ARHGEF38: variants seen among roughly 807,000 people sequenced by gnomAD.
The protein encoded by ARHGEF38 is Rho guanine nucleotide exchange factor (GEF) 38.
In ARHGEF38, 79 loss-of-function variants were observed where a neutral mutation model predicts 79.9. The ratio of observed to expected loss-of-function variants is 0.99; its 90% CI spans 0.82 to 1.19. The LOEUF (loss-of-function observed/expected upper bound fraction) is 1.19, where lower values mean the gene tolerates loss of function less well. Among genes scored for constraint, ARHGEF38 ranks in the 50% most tolerant of loss-of-function variants. The probability of loss-of-function intolerance (pLI) is 0.00; values close to 1 mark genes in which losing one functional copy is unlikely to be tolerated. For synonymous variants in ARHGEF38, 366 were observed against 328.3 expected (o/e 1.11, Z -1.24); for missense variants, 962 against 907.2 (o/e 1.06, Z -0.78).
intron 13 of ARHGEF38, among the ~76,000 whole-genome samples, chr4:105,676,378 A>G (rs977501606): frequency 7.2e-5 from 11 of 152,282 alleles, no homozygotes; most frequent in Non-Finnish European, 1.5e-4. Context: ...ATCTGTGTGT[A>G]GAGTTGTTGC....
intron 1 of ARHGEF38, among the ~76,000 whole-genome samples, chr4:105,569,644 T>G (rs769390960): frequency 5.9e-5 from 9 of 152,204 alleles, no homozygotes; most frequent in Non-Finnish European, 1.2e-4. Context: ...TGAGCAGTGG[T>G]TAACATGCAG....
chr4:105,675,823 G>C (rs1184644223), intron 13 of ARHGEF38, among the ~76,000 whole-genome samples: 1 of 152,200 alleles, frequency 6.6e-6, no homozygotes, highest in Non-Finnish European at 1.5e-5. Flanking sequence ...TCACATGGTG[G>C]AAGGGGTGAA....
intron 3 of ARHGEF38, among the ~76,000 whole-genome samples, chr4:105,620,878 G>A (rs73837077): frequency 6.6e-6 from 1 of 152,188 alleles, no homozygotes; most frequent in African/African-American, 2.4e-5. Flanking sequence ...CTATTACAAT[G>A]TGGTGAAAAT....
In ARHGEF38 at chr4:105,679,076, C is replaced by T; in HGVS notation, c.*1139C>T. The T allele has an allele frequency of 2.1e-6, 1 of 482,538 alleles. No individual in the cohort carries two copies. Among genetic ancestry groups the T allele is most frequent in the Non-Finnish European group, 3.3e-6 (1 of 300,412 alleles). The allele number at this position is 482,538 out of a possible 1,614,324, so 29.9% of individuals were successfully genotyped here. A position where few individuals can be genotyped will look rare whatever the true frequency, so the allele number is the denominator to read the frequency against. On this transcript the variant is annotated 3_prime_UTR_variant, in exon 14 of 14. Transcript: ENST00000420470. ...CAGTCAAAACTCCATTTGTGGCCCC[C>T]ACTTCTTGATCTATTTCTGTTCCAC...
intron 1 of ARHGEF38, among the ~76,000 whole-genome samples, chr4:105,561,020 T>C (rs1365285317): frequency 1.3e-5 from 2 of 152,194 alleles, no homozygotes; most frequent in Non-Finnish European, 2.9e-5. Flanking sequence ...TATATTTAGC[T>C]GCTAGGAGCT....
intron 1 of ARHGEF38, among the ~76,000 whole-genome samples, chr4:105,560,853 G>A (rs1725483602): frequency 6.6e-6 from 1 of 152,148 alleles, no homozygotes; most frequent in African/African-American, 2.4e-5. Context: ...GGTCTCCAGT[G>A]TCACTACAAA....
Position 105,552,968 on chromosome 4 carries a change from A to T in ARHGEF38, c.196+7A>T. The stretch of plus-strand genomic sequence containing the variant: ...TACAACCAGAAATTACAAGGTAACC[A>T]AAAAGAAATCAATTGTCCCAGTTAC... On this transcript the variant is annotated splice_region_variant and intron_variant, in intron 1 of 13. Transcript: ENST00000420470. 1 of 1,600,712 alleles carries T rather than the reference A, an allele frequency of 6.2e-7. No individual in the cohort carries two copies. The highest frequency in any genetic ancestry group is 8.5e-7 in the Non-Finnish European group (1 of 1,174,438).
At chr4:105,658,506 T>A (rs1157044346) in intron 9 of ARHGEF38, among the ~76,000 whole-genome samples, 3 of 152,174 alleles carry the variant, frequency 2.0e-5, no homozygotes, top group Non-Finnish European at 2.9e-5. Context: ...ATAGGGGATA[T>A]AATTCCACTA....
chr4:105,636,521 G>A, intron 5 of ARHGEF38, 101 bp downstream of exon 5: 1 of 203,934 alleles, frequency 4.9e-6, no homozygotes, highest in South Asian at 1.6e-4. Context: ...TTCTAATCAT[G>A]AGTATTGCTT....
chr4:105,657,923 A>C (rs1162235925), intron 9 of ARHGEF38, among the ~76,000 whole-genome samples: 1 of 152,196 alleles, frequency 6.6e-6, no homozygotes, highest in Non-Finnish European at 1.5e-5. Flanking sequence ...ACAAAAGAGA[A>C]ACCTACTTCC....
intron 5 of ARHGEF38, among the ~76,000 whole-genome samples, chr4:105,640,799 C>A (rs532552102): frequency 2.0e-5 from 3 of 152,222 alleles, no homozygotes; most frequent in South Asian, 4.1e-4. Flanking sequence ...AGAGGTAATT[C>A]TTTATCATTT....
rs148256934 is a variant in ARHGEF38, at chr4:105,666,375, A to G, written c.1689+55A>G. On this transcript the variant is annotated intron_variant, in intron 11 of 13. Transcript: ENST00000420470. ...AACTTTCACCTCTTTGCCTTATCCA[A>G]GTTGTAGTATCATATTATTTTCCAG... 8.1e-4 allele frequency: 1,165 copies of G among 1,441,014 alleles called. 16 individuals carry two copies. In the African/African-American group the frequency reaches 0.015, roughly 19 times the overall value. 89.3% of individuals were successfully genotyped at this position (1,441,014 alleles called of 1,614,324 possible).
At chr4:105,655,063 C>T (rs1409985722) in intron 8 of ARHGEF38, among the ~76,000 whole-genome samples, 2 of 152,076 alleles carry the variant, frequency 1.3e-5, no homozygotes, top group African/African-American at 4.8e-5. Context: ...TATTTTCTTC[C>T]TAAAATGCTG....
At chr4:105,625,615 T>C (rs1728911889) in intron 3 of ARHGEF38, among the ~76,000 whole-genome samples, 2 of 152,154 alleles carry the variant, frequency 1.3e-5, no homozygotes, top group South Asian at 2.1e-4. Flanking sequence ...ATGAAGACAG[T>C]GTAAAGGCTG....
rs776005575 is a variant in ARHGEF38, at chr4:105,630,962, T to A, written c.573T>A (p.His191Gln). Reference sequence around the variant, plus strand: ...TTTATAAAATCTACTGCTATCACCATGATGAAGCACATAGTATACTGGAGT... The same window carrying A: ...TTTATAAAATCTACTGCTATCACCAAGATGAAGCACATAGTATACTGGAGT... The part of the protein sequence containing the change: ...EDIYKIYCYH[H>Q]DEAHSILESY... The change falls in exon 4 of 14, where the codon CAT becomes CAA. Residue 191 changes from histidine to glutamine, a missense_variant. Transcript: ENST00000420470. 2 of 1,613,812 alleles carry A rather than the reference T, an allele frequency of 1.2e-6. No individual in the cohort carries two copies. Among genetic ancestry groups the A allele is most frequent in the Admixed American group, 3.3e-5 (2 of 60,000 alleles).
chr4:105,628,598 G>A (rs1729050495), intron 3 of ARHGEF38, among the ~76,000 whole-genome samples: 1 of 152,064 alleles, frequency 6.6e-6, no homozygotes, highest in South Asian at 2.1e-4. Flanking sequence ...AACAAAACAA[G>A]AATCCTGTGT....
At chr4:105,605,550 G>T (rs1728002289) in intron 2 of ARHGEF38, among the ~76,000 whole-genome samples, 1 of 152,146 alleles carries the variant, frequency 6.6e-6, no homozygotes, top group Non-Finnish European at 1.5e-5. Context: ...TTATCTGCAA[G>T]ATTAGTTAAA....
chr4:105,583,387 G>A (rs193203487), intron 1 of ARHGEF38, among the ~76,000 whole-genome samples: 86 of 152,126 alleles, frequency 5.7e-4, no homozygotes, highest in Middle Eastern at 3.4e-3. Flanking sequence ...TCTCCCCAGC[G>A]TCCTCCTACC....
chr4:105,622,674 T>G (rs1728785572), intron 3 of ARHGEF38, among the ~76,000 whole-genome samples: 1 of 152,344 alleles, frequency 6.6e-6, no homozygotes, highest in Admixed American at 6.5e-5. Context: ...TCCTTCAACC[T>G]CTTCCCTTCA....
Sources: gnomAD v4.1 joint callset for allele counts (sites outside exome capture counted in the v4.1 genomes callset) on GRCh38, gnomAD v4.1.1 for gene constraint, MANE v1.5 for transcripts, NCBI Gene and HGNC (gene_info 2026-07-23, HGNC 2026-07-21) for gene names.